The following DNAH14 variants were observed in gnomAD, a reference collection of about 807,000 sequenced individuals.
DNAH14 encodes the protein axonemal beta dynein heavy chain 14.
A neutral mutation model predicts 520.9 loss-of-function variants in DNAH14; 478 were observed. That is an observed-to-expected ratio of 0.92 (90% CI 0.85 to 0.99). The LOEUF (loss-of-function observed/expected upper bound fraction) is 0.99. DNAH14 is among the 50% of genes least tolerant of loss of function. The pLI is 0.00. For synonymous variants in DNAH14, 1,581 were observed against 1,757.2 expected (o/e 0.90, Z 2.51); for missense variants, 4,831 against 5,234.5 (o/e 0.92, Z 2.38).
At chr1:224,975,594 G>T (rs1374397177) in intron 8 of DNAH14, among the ~76,000 whole-genome samples, 1 of 151,122 alleles carries the variant, frequency 6.6e-6, no homozygotes, top group East Asian at 2.0e-4. Context: ...ATTTTTTATT[G>T]CGTCTATTTG....
intron 54 of DNAH14, among the ~76,000 whole-genome samples, chr1:225,279,698 TAA>T (rs1408977654): frequency 1.3e-5 from 2 of 152,126 alleles, no homozygotes; most frequent in Admixed American, 1.3e-4. Context: ...GGCATTGGTT[TAA>T]AAGATTATTG....
At position 225,346,477 on chromosome 1, in the gene DNAH14, A is replaced by G; in HGVS notation, c.11119A>G (p.Asn3707Asp). 1 of 1,550,432 alleles carries G rather than the reference A, an allele frequency of 6.4e-7. No individual in the cohort carries two copies. The change falls in exon 71 of 86, where the codon AAT (asparagine) becomes GAT (aspartate). Residue 3707 changes from asparagine to aspartate, a missense_variant. Transcript: ENST00000682510. ...ATAGGTGGTTTCTTCAGCTCTATTT[A>G]ATGAAGATAAACTTTGCTTCTCTTT... ...IFKVVSSALF[N>D]EDKLCFSFRL...
chr1:225,249,538 C>T (rs1205413605), intron 43 of DNAH14, among the ~76,000 whole-genome samples: 1 of 152,092 alleles, frequency 6.6e-6, no homozygotes, highest in Non-Finnish European at 1.5e-5. Context: ...GATGGTGGCC[C>T]AGGGAAGGGA....
chr1:224,949,145 G>T (rs932913621), intron 1 of DNAH14, among the ~76,000 whole-genome samples: 1 of 152,020 alleles, frequency 6.6e-6, no homozygotes, highest in African/African-American at 2.4e-5. Context: ...CAAGTTGATG[G>T]TTATTTTTCC....
At chr1:225,259,494 G>T (rs897763763) in intron 46 of DNAH14, among the ~76,000 whole-genome samples, 7 of 152,026 alleles carry the variant, frequency 4.6e-5, no homozygotes, top group African/African-American at 1.2e-4. Context: ...ATGCTTTGAT[G>T]TATATACATA....
At chr1:225,016,236 A>G (rs868623965) in intron 10 of DNAH14, among the ~76,000 whole-genome samples, 74 of 152,322 alleles carry the variant, frequency 4.9e-4, no homozygotes, top group Admixed American at 7.2e-4. Flanking sequence ...AGTTTAATTT[A>G]ACTTTTCCTC....
At chr1:225,061,399 A>G (rs1177186852) in intron 17 of DNAH14, among the ~76,000 whole-genome samples, 2 of 152,296 alleles carry the variant, frequency 1.3e-5, no homozygotes, top group African/African-American at 2.4e-5. Flanking sequence ...CCGATTTTCC[A>G]GGTGCCGTGT....
intron 38 of DNAH14, among the ~76,000 whole-genome samples, chr1:225,200,137 A>G (rs552649478): frequency 6.6e-5 from 10 of 152,262 alleles, no homozygotes; most frequent in South Asian, 2.1e-4. Flanking sequence ...TTTGTCTGAT[A>G]TAAGAATAGC....
Position 225,075,261 on chromosome 1 carries a change from T to C in DNAH14, c.2425-3946T>C, listed in dbSNP as rs545366965. Among the ~76,000 whole-genome samples the C allele has an allele frequency of 4.8e-4, 73 of 152,276 alleles. 2 individuals carry two copies. Among genetic ancestry groups the C allele is most frequent in the African/African-American group, 1.7e-3 (71 of 41,578 alleles). ...GGTTCACTTGGCTCTGTGTCACTCC[T>C]GGGTGGACCATTGTCCTTCCTTGCT... On this transcript the variant is annotated intron_variant, in intron 17 of 85. Transcript: ENST00000682510.
intron 52 of DNAH14, among the ~76,000 whole-genome samples, chr1:225,274,397 G>A (rs2093411506): frequency 6.6e-6 from 1 of 151,346 alleles, no homozygotes; most frequent in Admixed American, 6.6e-5. Flanking sequence ...TAGTAGAGAC[G>A]GGGTTTCACC....
At chr1:225,359,580 A>G (rs1026143361) in intron 74 of DNAH14, among the ~76,000 whole-genome samples, 20 of 152,134 alleles carry the variant, frequency 1.3e-4, no homozygotes, top group African/African-American at 4.6e-4. Flanking sequence ...TCAAACTTTG[A>G]TTTTATTACA....
At chr1:225,153,638 T>C in intron 33 of DNAH14, 112 bp from the exon 34 acceptor site, 6 of 672,880 alleles carry the variant, frequency 8.9e-6, no homozygotes, top group Non-Finnish European at 1.4e-5. Flanking sequence ...TTCATGTCAC[T>C]GTTTCCCTGC....
At chr1:224,940,123 A>T in intron 1 of DNAH14, among the ~76,000 whole-genome samples, 1 of 152,326 alleles carries the variant, frequency 6.6e-6, no homozygotes, top group East Asian at 1.9e-4. Flanking sequence ...CTTCACTTAC[A>T]TGTGTGGTGC....
rs529188488 is a variant in DNAH14 at position 225,154,067 on chromosome 1, T to C, written c.5273+241T>C. Among the ~76,000 whole-genome samples the C allele has an allele frequency of 1.5e-4, 23 of 151,978 alleles. No homozygotes were observed. The South Asian group carries it at 4.6e-3, about 30-fold the overall frequency. ...AAAAAGTGTTTTACATAATAAAAGA[T>C]ATAATGGAAAAAAAGACCTCATTTA... On this transcript the variant is annotated intron_variant, in intron 34 of 85. Transcript: ENST00000682510.
rs572170109 is a variant in DNAH14 at position 225,096,229 on chromosome 1, G to A, written c.3574-889G>A. Among the ~76,000 whole-genome samples the A allele has an allele frequency of 7.2e-5, 11 of 152,178 alleles. No individual in the cohort carries two copies. In the East Asian group the frequency reaches 9.7e-4, roughly 13 times the overall value. ...ACTCCTGACCTCAAGTGACCTGCAC[G>A]CCTCAGCCTCCCAAAGTGCTGGGAT... On this transcript the variant is annotated intron_variant, in intron 21 of 85. Coordinates refer to ENST00000682510, the MANE Select transcript of DNAH14 (RefSeq NM_001367479.1).
intron 61 of DNAH14, among the ~76,000 whole-genome samples, chr1:225,320,107 T>C (rs2094533394): frequency 6.6e-6 from 1 of 152,168 alleles, no homozygotes; most frequent in African/African-American, 2.4e-5. Flanking sequence ...AAATTCCCTT[T>C]AGCCTAATTT....
At chr1:224,980,349 A>G (rs2062173046) in intron 8 of DNAH14, among the ~76,000 whole-genome samples, 1 of 151,990 alleles carries the variant, frequency 6.6e-6, no homozygotes, top group Non-Finnish European at 1.5e-5. Context: ...CCTGGAAGGT[A>G]CTCCCTATGG....
chr1:224,967,990 A>T, intron 6 of DNAH14: 1 of 1,008,690 alleles, frequency 9.9e-7, no homozygotes, highest in Non-Finnish European at 1.2e-6. Flanking sequence ...TAGCATTTTG[A>T]TATTTATCAC....
At chr1:225,160,275 T>C (rs1408415738) in intron 35 of DNAH14, among the ~76,000 whole-genome samples, 1 of 152,218 alleles carries the variant, frequency 6.6e-6, no homozygotes, top group Non-Finnish European at 1.5e-5. Flanking sequence ...CCATTAAACA[T>C]GTTGATTCCT....
Sources: allele counts gnomAD v4.1 joint callset (sites outside exome capture counted in the v4.1 genomes callset), GRCh38; gene constraint gnomAD v4.1.1; transcripts MANE v1.5; gene names NCBI Gene and HGNC (gene_info 2026-07-23, HGNC 2026-07-21).